The following ARHGAP42 variants were observed in gnomAD, a reference collection of about 807,000 sequenced individuals.
ARHGAP42 encodes the protein Rho GTPase activating protein 42, also known as rho GTPase-activating protein 42.
A neutral mutation model predicts 125.0 loss-of-function variants in ARHGAP42; 63 were observed. The ratio of observed to expected loss-of-function variants is 0.50; its 90% CI spans 0.41 to 0.62. ARHGAP42 has a LOEUF of 0.62. Among genes scored for constraint, ARHGAP42 ranks in the 20% least tolerant of loss-of-function variants. ARHGAP42 has a pLI of 0.00. For missense variants in ARHGAP42, 766 were observed against 1,024.2 expected, an observed-to-expected ratio of 0.75 and a Z score of 3.44; for synonymous variants, 339 against 351.0, an observed-to-expected ratio of 0.97 and a Z score of 0.38.
chr11:100,845,768 C>T (rs1865052793), intron 3 of ARHGAP42, among the ~76,000 whole-genome samples: 1 of 152,112 alleles, frequency 6.6e-6, no homozygotes, highest in Admixed American at 6.6e-5. Context: ...CATTGTAATT[C>T]AGTAATGTAA....
Position 100,936,102 on chromosome 11 carries a change from C to G in ARHGAP42, c.703-101C>G, listed in dbSNP as rs377558904. On this transcript the variant is annotated intron_variant, in intron 7 of 23. Transcript: ENST00000298815. Reference sequence around the variant, plus strand: ...TGCACCTGGTTGACAGAGTGATACTCTGTCTCAAAAATAAATAAAAGCAAA... The same window carrying G: ...TGCACCTGGTTGACAGAGTGATACTGTGTCTCAAAAATAAATAAAAGCAAA... 916 of 1,403,840 alleles carry G rather than the reference C, an allele frequency of 6.5e-4. 14 individuals carry two copies. The South Asian group carries it at 0.012, about 18-fold the overall frequency. The allele number at this position is 1,403,840 out of a possible 1,614,324, so 87.0% of individuals were successfully genotyped here.
In ARHGAP42 at chr11:100,786,905, G is replaced by A. The variant is rs79644669; in HGVS notation, c.251-8200G>A. 3.4e-3 allele frequency among the ~76,000 whole-genome samples: 516 copies of A among 152,214 alleles called. 3 individuals are homozygous for A. Among genetic ancestry groups the A allele is most frequent in the African/African-American group, 0.012 (499 of 41,518 alleles). ...TTATAATTCCCCTGTGTCAAGAAAG[G>A]TGATTGGATCATGGGGGCAGTTTTC... On this transcript the variant is annotated intron_variant, in intron 2 of 23. Transcript: ENST00000298815.
chr11:100,833,700 G>A lies in ARHGAP42; in HGVS notation c.313-25854G>A, dbSNP rs75009712. ...TTCTGTCCCAAGTGAAAGAGAGTTA[G>A]GAAGAGCCTGACTTATCGCCTCGTA... On this transcript the variant is annotated intron_variant, in intron 3 of 23. Transcript: ENST00000298815. 1.8e-4 allele frequency among the ~76,000 whole-genome samples: 28 copies of A among 152,254 alleles called. No homozygotes were observed. The East Asian group carries it at 4.2e-3, about 23-fold the overall frequency.
chr11:100,987,806 A>AAATAAAT (rs1858721155), intron 23 of ARHGAP42, among the ~76,000 whole-genome samples: 3 of 142,472 alleles, frequency 2.1e-5, no homozygotes, highest in Non-Finnish European at 4.6e-5. Flanking sequence ...CCCAACCCAC[A>AAATAAAT]AAATAAATAA....
At chr11:100,847,883 G>A (rs766533704) in intron 3 of ARHGAP42, among the ~76,000 whole-genome samples, 1 of 152,122 alleles carries the variant, frequency 6.6e-6, no homozygotes, top group East Asian at 1.9e-4. Context: ...GTTGGAGAAA[G>A]CATTATTAAG....
At chr11:100,775,164 C>T (rs1002885145) in intron 2 of ARHGAP42, among the ~76,000 whole-genome samples, 16 of 152,110 alleles carry the variant, frequency 1.1e-4, no homozygotes, top group African/African-American at 3.9e-4. Flanking sequence ...TGGGAAGTGG[C>T]CTATTGAGTC....
At chr11:100,750,719 G>A (rs1203471149) in intron 1 of ARHGAP42, among the ~76,000 whole-genome samples, 1 of 147,968 alleles carries the variant, frequency 6.8e-6, no homozygotes, top group Non-Finnish European at 1.5e-5. Context: ...ATGAGTCAGG[G>A]CGGAGCAGGT....
chr11:100,760,586 A>G (rs1432413117), intron 1 of ARHGAP42, among the ~76,000 whole-genome samples: 1 of 152,112 alleles, frequency 6.6e-6, no homozygotes, highest in African/African-American at 2.4e-5. Context: ...CTGTAATCCC[A>G]GCTACTTGGG....
chr11:100,717,404 G>A (rs1861681632), intron 1 of ARHGAP42, among the ~76,000 whole-genome samples: 2 of 152,082 alleles, frequency 1.3e-5, no homozygotes, highest in South Asian at 2.1e-4. Context: ...TTGGGAGGCC[G>A]AGGCGGGCGG....
At chr11:100,983,293 T>G (rs1182234427) in intron 22 of ARHGAP42, among the ~76,000 whole-genome samples, 1 of 152,216 alleles carries the variant, frequency 6.6e-6, no homozygotes, top group Admixed American at 6.5e-5. Context: ...TAACATAATG[T>G]TAATGAAAAA....
intron 4 of ARHGAP42, among the ~76,000 whole-genome samples, chr11:100,871,111 A>T (rs976321473): frequency 6.6e-6 from 1 of 152,206 alleles, no homozygotes; most frequent in African/African-American, 2.4e-5. Context: ...TATATGTATT[A>T]AATTAGTATT....
At chr11:100,873,637 T>A (rs1865747677) in intron 4 of ARHGAP42, among the ~76,000 whole-genome samples, 1 of 152,208 alleles carries the variant, frequency 6.6e-6, no homozygotes, top group African/African-American at 2.4e-5. Flanking sequence ...TATATATAAT[T>A]GGTATTAATA....
intron 12 of ARHGAP42, among the ~76,000 whole-genome samples, chr11:100,957,411 C>T (rs147556047): frequency 6.6e-6 from 1 of 152,106 alleles, no homozygotes; most frequent in East Asian, 1.9e-4. Context: ...TGTTACTTCC[C>T]TCATTTTATA....
At chr11:100,755,683 A>G (rs953730467) in intron 1 of ARHGAP42, among the ~76,000 whole-genome samples, 2 of 152,340 alleles carry the variant, frequency 1.3e-5, no homozygotes, top group South Asian at 4.1e-4. Flanking sequence ...AACAAACCCA[A>G]GGGAATAGTA....
intron 4 of ARHGAP42, among the ~76,000 whole-genome samples, chr11:100,895,768 C>T (rs951049111): frequency 1.3e-4 from 20 of 152,108 alleles, no homozygotes; most frequent in African/African-American, 3.4e-4. Flanking sequence ...TCTTAGCAGC[C>T]GTGTGCCTAT....
Position 100,992,683 on chromosome 11 carries a change from G to A in ARHGAP42, c.*3882G>A, listed in dbSNP as rs1368718411. On this transcript the variant is annotated 3_prime_UTR_variant, in exon 24 of 24. Transcript: ENST00000298815. ...CACTTGGTAATAACGTTGGGAAAAT[G>A]CAGGTTTATGAATGATGTGGACTTT... is the stretch of plus-strand genomic sequence containing the variant. 6.3e-7 allele frequency: 1 copy of A among 1,589,850 alleles called. No homozygotes were observed. The highest frequency in any genetic ancestry group is 8.6e-7 in the Non-Finnish European group (1 of 1,169,446).
At chr11:100,893,000 G>T (rs1407651949) in intron 4 of ARHGAP42, among the ~76,000 whole-genome samples, 1 of 152,150 alleles carries the variant, frequency 6.6e-6, no homozygotes, top group African/African-American at 2.4e-5. Context: ...ACAACTAAAA[G>T]AACTTGTAAG....
chr11:100,799,070 A>T (rs755883088), intron 3 of ARHGAP42, among the ~76,000 whole-genome samples: 1 of 152,254 alleles, frequency 6.6e-6, no homozygotes, highest in Non-Finnish European at 1.5e-5. Context: ...TTGTGGTCAT[A>T]TGCAGGGTTA....
At chr11:100,851,852 A>G (rs1351929119) in intron 3 of ARHGAP42, among the ~76,000 whole-genome samples, 2 of 152,190 alleles carry the variant, frequency 1.3e-5, no homozygotes, top group African/African-American at 4.8e-5. Context: ...ACATGCATGC[A>G]TACATGTGCC....
Sources: allele counts gnomAD v4.1 joint callset (sites outside exome capture counted in the v4.1 genomes callset), GRCh38; gene constraint gnomAD v4.1.1; transcripts MANE v1.5; gene names NCBI Gene and HGNC (gene_info 2026-07-23, HGNC 2026-07-21).